Variants in ANKRD44 observed in about 807,000 individuals in gnomAD.
The protein encoded by ANKRD44 is serine/threonine-protein phosphatase 6 regulatory ankyrin repeat subunit B.
In ANKRD44, 35 loss-of-function variants were observed where a neutral mutation model predicts 116.0. The observed-to-expected ratio is 0.30, with a 90% CI of 0.23 to 0.40. The LOEUF (loss-of-function observed/expected upper bound fraction) is 0.40. Ranked by LOEUF, ANKRD44 falls within the 10% of genes least tolerant of loss-of-function variation. ANKRD44 has a pLI of 1.00. For missense variants in ANKRD44, 1,014 were observed against 1,242.6 expected (o/e 0.82, Z 2.77); for synonymous variants, 435 against 461.8 (o/e 0.94, Z 0.74).
At chr2:197,279,442 C>T (rs2083200614) in intron 1 of ANKRD44, among the ~76,000 whole-genome samples, 1 of 152,126 alleles carries the variant, frequency 6.6e-6, no homozygotes, top group African/African-American at 2.4e-5. Flanking sequence ...CATGGCTCCC[C>T]ACGGTCACAA....
At chr2:197,130,584 A>G (rs1411608110) in intron 4 of ANKRD44, among the ~76,000 whole-genome samples, 1 of 152,246 alleles carries the variant, frequency 6.6e-6, no homozygotes, top group Non-Finnish European at 1.5e-5. Flanking sequence ...GTTTAAATGC[A>G]CTAAAGCTGG....
chr2:197,031,878 C>CA (rs2076714437), intron 16 of ANKRD44, among the ~76,000 whole-genome samples: 1 of 152,080 alleles, frequency 6.6e-6, no homozygotes, highest in African/African-American at 2.4e-5. Flanking sequence ...CAAATAACTT[C>CA]AAAACCAATC....
intron 16 of ANKRD44, among the ~76,000 whole-genome samples, chr2:197,040,862 C>A (rs2124952278): frequency 6.6e-6 from 1 of 152,296 alleles, no homozygotes; most frequent in South Asian, 2.1e-4. Flanking sequence ...CTCAGATGCT[C>A]CTTGGAAAGC....
intron 1 of ANKRD44, among the ~76,000 whole-genome samples, chr2:197,277,743 A>G (rs2105812035): frequency 6.6e-6 from 1 of 152,280 alleles, no homozygotes; most frequent in East Asian, 1.9e-4. Context: ...GTTTCAAGAC[A>G]TAGAATTTCT....
chr2:197,177,582 TTGTG>T (rs939993622), intron 2 of ANKRD44, among the ~76,000 whole-genome samples: 1 of 152,050 alleles, frequency 6.6e-6, no homozygotes, highest in African/African-American at 2.4e-5. Context: ...TCTCGTGAGT[TTGTG>T]TGTGTGTTTG....
In ANKRD44 at chr2:196,998,390, G is replaced by T; in HGVS notation, c.2695C>A (p.Leu899Met). The change falls in exon 25 of 28, where the codon CTG (leucine) becomes ATG (methionine). Residue 899 changes from leucine to methionine, a missense_variant. Coordinates refer to ENST00000282272, the MANE Select transcript of ANKRD44 (RefSeq NM_001195144.2). Reference protein sequence around the residue: ...DILVNSAQADLTVKDKDLNTP... With the variant: ...DILVNSAQADMTVKDKDLNTP... ...TTCAAGTCCTTATCCTTTACAGTCAGATCAGCCTGGGCACTGTTCACCAAA... is the reference window on the plus strand; with the variant it reads ...TTCAAGTCCTTATCCTTTACAGTCATATCAGCCTGGGCACTGTTCACCAAA... 6.2e-7 allele frequency: 1 copy of T among 1,613,894 alleles called. No individual in the cohort carries two copies. Among genetic ancestry groups the T allele is most frequent in the South Asian group, 1.1e-5 (1 of 91,046 alleles).
At chr2:197,003,752 T>G (rs1205864232) in intron 21 of ANKRD44, among the ~76,000 whole-genome samples, 3 of 152,124 alleles carry the variant, frequency 2.0e-5, no homozygotes, top group African/African-American at 7.2e-5. Flanking sequence ...GCACTCTCAC[T>G]GCATCCTTCT....
chr2:197,290,384 C>T (rs1003588857), intron 1 of ANKRD44, among the ~76,000 whole-genome samples: 6 of 152,216 alleles, frequency 3.9e-5, no homozygotes, highest in African/African-American at 1.4e-4. Context: ...TGTTTGTGGG[C>T]TGTTTGTATA....
intron 8 of ANKRD44, among the ~76,000 whole-genome samples, chr2:197,111,048 T>TAAATA (rs2078553218): frequency 6.6e-6 from 1 of 151,850 alleles, no homozygotes; most frequent in African/African-American, 2.4e-5. Flanking sequence ...GACATTCTTC[T>TAAATA]AAATAAAATA....
At chr2:196,991,031 G>T in intron 27 of ANKRD44, 1 of 1,033,726 alleles carries the variant, frequency 9.7e-7, no homozygotes, top group Non-Finnish European at 1.2e-6. Context: ...GGAGATGTAT[G>T]TTGAGTTAGA....
At chr2:197,253,943 G>C (rs112712706) in intron 1 of ANKRD44, among the ~76,000 whole-genome samples, 1 of 152,174 alleles carries the variant, frequency 6.6e-6, no homozygotes, top group Non-Finnish European at 1.5e-5. Context: ...ATCCGCACAG[G>C]GTTCTTGAAA....
chr2:197,083,020 T>C (rs2125143595), intron 14 of ANKRD44, among the ~76,000 whole-genome samples: 1 of 152,338 alleles, frequency 6.6e-6, no homozygotes, highest in Middle Eastern at 3.4e-3. Context: ...GACATATATA[T>C]TAGCAAATGT....
At chr2:197,235,891 T>A (rs1224348834) in intron 1 of ANKRD44, among the ~76,000 whole-genome samples, 1 of 152,108 alleles carries the variant, frequency 6.6e-6, no homozygotes, top group Non-Finnish European at 1.5e-5. Flanking sequence ...AACAAGTCAT[T>A]GTGATTAGGG....
intron 1 of ANKRD44, among the ~76,000 whole-genome samples, chr2:197,275,548 T>C (rs745978516): frequency 1.3e-5 from 2 of 151,992 alleles, no homozygotes; most frequent in Non-Finnish European, 2.9e-5. Context: ...ATTTAACAAA[T>C]ATGTACAGAG....
chr2:197,232,122 A>C (rs2125768168), intron 1 of ANKRD44, among the ~76,000 whole-genome samples: 1 of 152,290 alleles, frequency 6.6e-6, no homozygotes, highest in East Asian at 1.9e-4. Flanking sequence ...GTTCTTAAGA[A>C]ACCCAATGTT....
intron 2 of ANKRD44, among the ~76,000 whole-genome samples, chr2:197,150,041 C>A (rs935713893): frequency 1.3e-5 from 2 of 152,124 alleles, no homozygotes; most frequent in African/African-American, 4.8e-5. Context: ...TTTATTTTTT[C>A]CAAATATCTG....
intron 1 of ANKRD44, among the ~76,000 whole-genome samples, chr2:197,259,895 C>T (rs2082550701): frequency 1.3e-5 from 2 of 151,868 alleles, no homozygotes; most frequent in African/African-American, 4.8e-5. Flanking sequence ...GTGTGGGATT[C>T]CCATGAGTGT....
At chr2:197,010,725 C>T (rs911191219) in intron 18 of ANKRD44, among the ~76,000 whole-genome samples, 3 of 152,228 alleles carry the variant, frequency 2.0e-5, no homozygotes, top group Admixed American at 2.0e-4. Flanking sequence ...ACCTTCTCTC[C>T]TCTCTAACAA....
chr2:197,227,142 C>T (rs2049680), intron 1 of ANKRD44, among the ~76,000 whole-genome samples: 30,629 of 152,182 alleles, frequency 0.2, 3,235 homozygotes, highest in Middle Eastern at 0.31. Context: ...AACCCCTGTC[C>T]TCTGATACCT....
Sources: gnomAD v4.1 joint callset for allele counts (sites outside exome capture counted in the v4.1 genomes callset) on GRCh38, gnomAD v4.1.1 for gene constraint, MANE v1.5 for transcripts, NCBI Gene and HGNC (gene_info 2026-07-23, HGNC 2026-07-21) for gene names.